Variants in CDH3 observed in about 807,000 individuals in gnomAD.
The protein encoded by CDH3 is cadherin 3.
Under a neutral mutation model 82.0 loss-of-function variants are expected in CDH3, and 54 were observed. The observed-to-expected ratio is 0.66, with a 90% confidence interval of 0.53 to 0.83. CDH3 has a LOEUF of 0.83. Among genes scored for constraint, CDH3 ranks in the 40% least tolerant of loss-of-function variants. The pLI, the probability that CDH3 is intolerant of heterozygous loss-of-function variation, is 0.00. For missense variants in CDH3, 1,054 were observed against 1,084.6 expected, an observed-to-expected ratio of 0.97 and a Z score of 0.40; for synonymous variants, 446 against 437.9, an observed-to-expected ratio of 1.02 and a Z score of -0.23.
Position 68,695,267 on chromosome 16 carries a change from T to C in CDH3, c.2015T>C (p.Val672Ala), listed in dbSNP as rs1207510380. 4.3e-6 allele frequency: 7 copies of C among 1,614,030 alleles called. No homozygotes were observed. The highest frequency in any genetic ancestry group is 1.3e-5 in the African/African-American group (1 of 74,894). ...CCAACCCTTGCAGTCCTCCTGCTGG[T>C]GCTGCTTTTGTTGGTGAGAAAGAAG... ...AVLALLFLLL[V>A]LLLLVRKKRK... The change falls in exon 14 of 16, where the codon GTG becomes GCG. Residue 672 changes from valine (V) to alanine (A), a missense_variant. Val to Ala is a moderately conservative substitution (Grantham distance 64). Coordinates refer to ENST00000264012, the MANE Select transcript of CDH3 (RefSeq NM_001793.6).
rs1961112279 is a variant in CDH3 at position 68,678,752 on chromosome 16, T to C, written c.547-10T>C. ...GCACCGGGCTGACCCCAGAGCTGTG[T>C]ACCCCACAGCTCTTTGGCCACGCTG... On this transcript the variant is annotated splice_polypyrimidine_tract_variant and intron_variant, in intron 5 of 15. Transcript: ENST00000264012. 6.2e-7 allele frequency: 1 copy of C among 1,613,994 alleles called. No homozygotes were observed. The highest frequency in any genetic ancestry group is 8.5e-7 in the Non-Finnish European group (1 of 1,179,968).
intron 2 of CDH3, among the ~76,000 whole-genome samples, chr16:68,670,909 C>T (rs1166762375): frequency 6.6e-6 from 1 of 151,992 alleles, no homozygotes; most frequent in Non-Finnish European, 1.5e-5. Context: ...CCTGTCTCTA[C>T]TAAGAATACA....
chr16:68,698,496 C>A lies in CDH3; in HGVS notation c.*96C>A. 3 of 1,129,704 alleles carry A rather than the reference C, an allele frequency of 2.7e-6. No homozygotes were observed. The highest frequency in any genetic ancestry group is 1.3e-5 in the South Asian group (1 of 76,284). The allele number at this position is 1,129,704 out of a possible 1,614,324, so 70.0% of individuals were successfully genotyped here. On this transcript the variant is annotated 3_prime_UTR_variant, in exon 16 of 16. Transcript: ENST00000264012. The stretch of plus-strand genomic sequence containing the variant: ...TTCAGCTGAGGACTTCGGAGCTTGT[C>A]AGGAAGTGGCCGTAGCAACTTGGCG...
At chr16:68,664,160 G>C (rs1282332425) in intron 2 of CDH3, among the ~76,000 whole-genome samples, 1 of 152,060 alleles carries the variant, frequency 6.6e-6, no homozygotes, top group African/African-American at 2.4e-5. Context: ...TTCTCAAGCT[G>C]AGTACATGAT....
At chr16:68,671,209 T>G (rs1960876093) in intron 2 of CDH3, among the ~76,000 whole-genome samples, 1 of 151,312 alleles carries the variant, frequency 6.6e-6, no homozygotes, top group Non-Finnish European at 1.5e-5. Context: ...CAGGCTGGAC[T>G]CAAACTCCTG....
At chr16:68,709,393 G>C (rs564476449) in intron 1 of CDH3, among the ~76,000 whole-genome samples, 1 of 152,208 alleles carries the variant, frequency 6.6e-6, no homozygotes, top group Admixed American at 6.5e-5. Flanking sequence ...TTGTCAATTA[G>C]AGTGCTGGCA....
chr16:68,653,549 T>G (rs899963835), intron 2 of CDH3, among the ~76,000 whole-genome samples: 1 of 151,876 alleles, frequency 6.6e-6, no homozygotes, highest in African/African-American at 2.4e-5. Flanking sequence ...CAGCAAGTTT[T>G]TATTATGTGC....
downstream of CDH3, among the ~76,000 whole-genome samples, chr16:68,731,389 A>T (rs1333009503): frequency 4.2e-3 from 35 of 8,278 alleles, no homozygotes; most frequent in Middle Eastern, 0.056. Context: ...AAAAAAAAAA[A>T]AAAAAAATAT....
intron 2 of CDH3, among the ~76,000 whole-genome samples, chr16:68,653,185 C>G (rs1462974634): frequency 6.6e-6 from 1 of 152,010 alleles, no homozygotes; most frequent in Non-Finnish European, 1.5e-5. Context: ...TTTCATCTGG[C>G]CCTATGCTAA....
intron 2 of CDH3, among the ~76,000 whole-genome samples, chr16:68,664,555 G>C (rs549968408): frequency 2.0e-5 from 3 of 152,240 alleles, no homozygotes; most frequent in East Asian, 1.9e-4. Context: ...GCTATGTTTG[G>C]GAATCACTGC....
In CDH3 at chr16:68,712,037, C is replaced by T. The variant is rs138731509; in HGVS notation, c.100-10388C>T. ...TTTGTTTCTTGGGTTTTTTTGTTTT[C>T]TTTTTTTTTTTTTTTTTTGAGACAG... On this transcript the variant is annotated intron_variant, in intron 1 of 2. Coordinates refer to the CDH3 transcript ENST00000569080. Among the ~76,000 whole-genome samples the T allele has an allele frequency of 5.8e-3, 692 of 119,374 alleles. 11 individuals carry two copies. The highest frequency in any genetic ancestry group is 0.019 in the African/African-American group (610 of 31,574). The allele number at this position is 119,374 out of a possible 152,430, so 78.3% of individuals were successfully genotyped here. A position where few individuals can be genotyped will look rare whatever the true frequency, so the allele number is the denominator to read the frequency against.
intron 2 of CDH3, 94 bp from the exon 3 acceptor site, chr16:68,676,291 A>G (rs937530453): frequency 5.7e-5 from 49 of 852,944 alleles, no homozygotes; most frequent in Non-Finnish European, 2.0e-6. Flanking sequence ...GCAGTCCTGG[A>G]TCCAGTCAGA....
rs1370231187 is a variant in CDH3 at position 68,682,451 on chromosome 16, C to T, written c.1146C>T (p.His382=). Residue 382 remains histidine, a synonymous_variant, in exon 9 of 16, where the codon CAC becomes CAT. Transcript: ENST00000264012. ...GGGACCATTTTACCATCACCACCCA[C>T]CCTGAGAGCAACCAGGGCATCCTGA... ...DDGDHFTITT[H]PESNQGILTT... The T allele has an allele frequency of 1.9e-6, 3 of 1,614,010 alleles. No individual in the cohort carries two copies. Among genetic ancestry groups the T allele is most frequent in the Non-Finnish European group, 2.5e-6 (3 of 1,180,048 alleles).
At chr16:68,651,420 G>T (rs747050796) in intron 2 of CDH3, 2 of 546,632 alleles carry the variant, frequency 3.7e-6, no homozygotes, top group Non-Finnish European at 7.4e-6. Context: ...GGTCATACCC[G>T]ACTGGCTTGC....
chr16:68,647,053 T>A (rs549367911), intron 2 of CDH3, among the ~76,000 whole-genome samples: 1 of 152,128 alleles, frequency 6.6e-6, no homozygotes, highest in Non-Finnish European at 1.5e-5. Context: ...CCTTAAACCC[T>A]TGGCTGTAGG....
chr16:68,688,226 G>T (rs1961469871), intron 12 of CDH3, among the ~76,000 whole-genome samples: 1 of 151,720 alleles, frequency 6.6e-6, no homozygotes, highest in Non-Finnish European at 1.5e-5. Context: ...TCTGATTGAG[G>T]TTCTAGAGGA....
intron 2 of CDH3, among the ~76,000 whole-genome samples, chr16:68,649,595 C>A (rs952752680): frequency 6.6e-6 from 1 of 152,148 alleles, no homozygotes; most frequent in Non-Finnish European, 1.5e-5. Context: ...GGTCCACAGT[C>A]GGTGTTTCAC....
chr16:68,678,363 G>A (rs1234498021), intron 4 of CDH3, 86 bp downstream of exon 4: 1 of 1,592,290 alleles, frequency 6.3e-7, no homozygotes, highest in Non-Finnish European at 8.6e-7. Flanking sequence ...GCTACTGAAT[G>A]TGGGGGCTGA....
In CDH3 at chr16:68,679,857, T is replaced by TG; in HGVS notation, c.754dup (p.Val252GlyfsTer8). 6.2e-7 allele frequency: 1 copy of TG among 1,613,586 alleles called. No individual in the cohort carries two copies. On this transcript the variant is annotated frameshift_variant, in exon 7 of 16. Transcript: ENST00000264012. LOFTEE classifies it high-confidence loss of function. ...AGGATGATGCCATCTACACCTACAA[T>TG]GGGGTGGTTGCTTACTCCATCCATA...
Sources: gnomAD v4.1 joint callset for allele counts (sites outside exome capture counted in the v4.1 genomes callset) on GRCh38, gnomAD v4.1.1 for gene constraint, MANE v1.5 for transcripts, NCBI Gene and HGNC (gene_info 2026-07-23, HGNC 2026-07-21) for gene names.